CACNA2D3: variants seen among roughly 807,000 people sequenced by gnomAD.
The protein encoded by CACNA2D3 is voltage-dependent calcium channel subunit alpha-2/delta-3.
In CACNA2D3, 60 loss-of-function variants were observed where a neutral mutation model predicts 160.6. The observed-to-expected ratio is 0.37, with a 90% CI of 0.30 to 0.46. CACNA2D3 has a LOEUF of 0.46. CACNA2D3 is among the 20% of genes least tolerant of loss of function. The pLI, the probability that CACNA2D3 is intolerant of heterozygous loss-of-function variation, is 1.00. For synonymous variants in CACNA2D3, 558 were observed against 492.9 expected (o/e 1.13, Z -1.75); for missense variants, 1,205 against 1,365.0 (o/e 0.88, Z 1.85).
chr3:54,533,615 G>A (rs1014662567), intron 5 of CACNA2D3, among the ~76,000 whole-genome samples: 13 of 152,104 alleles, frequency 8.5e-5, no homozygotes, highest in African/African-American at 2.9e-4. Flanking sequence ...GATTACAGGT[G>A]TGAGCCACAG....
At chr3:54,899,062 T>C (rs923649707) in intron 26 of CACNA2D3, among the ~76,000 whole-genome samples, 4 of 152,228 alleles carry the variant, frequency 2.6e-5, no homozygotes, top group African/African-American at 9.6e-5. Flanking sequence ...GCTTCTCAAT[T>C]CAATTGGATT....
chr3:54,990,493 G>A (rs1041357044), intron 31 of CACNA2D3, among the ~76,000 whole-genome samples: 21 of 152,012 alleles, frequency 1.4e-4, no homozygotes, highest in African/African-American at 5.1e-4. Flanking sequence ...GTCATGCTAC[G>A]GCACTTCAGC....
intron 2 of CACNA2D3, among the ~76,000 whole-genome samples, chr3:54,290,607 C>T (rs1334660526): frequency 6.6e-6 from 1 of 150,648 alleles, no homozygotes; most frequent in Non-Finnish European, 1.5e-5. Context: ...GACACATGCA[C>T]ACGTATGTTT....
At chr3:54,741,932 G>A (rs554680441) in intron 11 of CACNA2D3, among the ~76,000 whole-genome samples, 8 of 151,854 alleles carry the variant, frequency 5.3e-5, no homozygotes, top group Non-Finnish European at 1.0e-4. Flanking sequence ...AGGCTGGAGT[G>A]CAGTGGTGGA....
At chr3:55,028,061 T>A (rs1703603131) in intron 35 of CACNA2D3, among the ~76,000 whole-genome samples, 1 of 152,218 alleles carries the variant, frequency 6.6e-6, no homozygotes, top group South Asian at 2.1e-4. Context: ...CTTTTCAGTC[T>A]TCAGAAGTCT....
chr3:55,026,862 A>C (rs1703572954), intron 35 of CACNA2D3, among the ~76,000 whole-genome samples: 1 of 152,230 alleles, frequency 6.6e-6, no homozygotes, highest in African/African-American at 2.4e-5. Context: ...GAAAAGAGTA[A>C]AAATGATCAG....
In CACNA2D3 at chr3:54,736,041, ATATACACATACATATGTATG is replaced by A. The variant is rs1701502145; in HGVS notation, c.1168-16553_1168-16534del. On this transcript the variant is annotated intron_variant, in intron 11 of 37. Coordinates refer to ENST00000474759, the MANE Select transcript of CACNA2D3 (RefSeq NM_018398.3). ...TACACATACATATATATATGTATAT[ATATACACATACATATGTATG>A]TATATATATATACATATATATGTAT... is the stretch of plus-strand genomic sequence containing the variant. Among the ~76,000 whole-genome samples the A allele has an allele frequency of 1.2e-4, 6 of 48,138 alleles. 1 individual carries two copies. The highest frequency in any genetic ancestry group is 2.8e-4 in the Non-Finnish European group (6 of 21,724). The allele number at this position is 48,138 out of a possible 152,430, so 31.6% of individuals were successfully genotyped here.
In CACNA2D3 at chr3:54,249,662, T is replaced by TACACACACACACAC. The variant is rs10656572; in HGVS notation, c.205-70757_205-70744dup. Reference sequence around the variant, plus strand: ...CTTAGAACAAATCTCTCTGTTTACGTACACACACACACACACACACACACA... The same window carrying TACACACACACACAC: ...CTTAGAACAAATCTCTCTGTTTACGTACACACACACACACACACACACACACACACACACACACA... On this transcript the variant is annotated intron_variant, in intron 2 of 37. Transcript: ENST00000474759. Among the ~76,000 whole-genome samples the TACACACACACACAC allele has an allele frequency of 9.0e-4, 120 of 132,842 alleles. 2 individuals are homozygous for TACACACACACACAC. The highest frequency in any genetic ancestry group is 3.1e-4 in the Non-Finnish European group (19 of 61,554). The allele number at this position is 132,842 out of a possible 152,430, so 87.1% of individuals were successfully genotyped here.
At chr3:54,158,495 A>T (rs550240129) in intron 2 of CACNA2D3, among the ~76,000 whole-genome samples, 2 of 152,294 alleles carry the variant, frequency 1.3e-5, no homozygotes, top group East Asian at 3.9e-4. Flanking sequence ...TCTCTCCAGG[A>T]TAAACCGACT....
intron 35 of CACNA2D3, among the ~76,000 whole-genome samples, chr3:55,021,443 T>C (rs1314450783): frequency 6.6e-6 from 1 of 151,384 alleles, no homozygotes; most frequent in Non-Finnish European, 1.5e-5. Context: ...ATGTGTTTTA[T>C]CTTTCTTCTA....
At chr3:54,631,203 A>AACACAAACAC (rs755354175) in intron 10 of CACNA2D3, among the ~76,000 whole-genome samples, 1 of 145,774 alleles carries the variant, frequency 6.9e-6, no homozygotes, top group Non-Finnish European at 1.5e-5. Context: ...GACTCCATCA[A>AACACAAACAC]ACACACACAC....
intron 5 of CACNA2D3, among the ~76,000 whole-genome samples, chr3:54,543,118 G>A (rs1702007380): frequency 6.6e-6 from 1 of 152,040 alleles, no homozygotes; most frequent in Non-Finnish European, 1.5e-5. Flanking sequence ...AATACTCTAG[G>A]TACTAAAAAT....
chr3:54,486,508 G>A (rs1559495358), intron 4 of CACNA2D3, among the ~76,000 whole-genome samples: 2 of 152,162 alleles, frequency 1.3e-5, no homozygotes, highest in African/African-American at 2.4e-5. Context: ...TAATCTAGGC[G>A]TTCCAAGATG....
chr3:54,219,756 G>A (rs925069684), intron 2 of CACNA2D3, among the ~76,000 whole-genome samples: 4 of 152,142 alleles, frequency 2.6e-5, no homozygotes, highest in African/African-American at 4.8e-5. Context: ...GATAGATGGT[G>A]TGTTGGTGCA....
chr3:54,894,042 A>C, intron 25 of CACNA2D3, among the ~76,000 whole-genome samples: 1 of 152,020 alleles, frequency 6.6e-6, no homozygotes. Context: ...CAGCGTTTTT[A>C]TTGTTCCCAT....
At chr3:55,038,559 C>T (rs1162833659) in intron 35 of CACNA2D3, among the ~76,000 whole-genome samples, 1 of 152,048 alleles carries the variant, frequency 6.6e-6, no homozygotes, top group African/African-American at 2.4e-5. Context: ...TTAATATGCA[C>T]TCACAGGTAT....
intron 2 of CACNA2D3, among the ~76,000 whole-genome samples, chr3:54,256,775 A>T (rs796846478): frequency 6.8e-6 from 1 of 146,292 alleles, no homozygotes; most frequent in Non-Finnish European, 1.5e-5. Flanking sequence ...AAAAAAAAAA[A>T]ACCACTGTAA....
intron 4 of CACNA2D3, among the ~76,000 whole-genome samples, chr3:54,497,164 T>A (rs1701215201): frequency 6.6e-6 from 1 of 152,068 alleles, no homozygotes; most frequent in South Asian, 2.1e-4. Flanking sequence ...ATATTTTGAT[T>A]GGGAGTTCAT....
intron 6 of CACNA2D3, 132 bp from the exon 7 acceptor site, chr3:54,569,663 T>G: frequency 1.4e-6 from 1 of 713,198 alleles, no homozygotes. Context: ...GAGCATGTGA[T>G]GAGCTCTGGG....
Sources: allele counts gnomAD v4.1 joint callset (sites outside exome capture counted in the v4.1 genomes callset), GRCh38; gene constraint gnomAD v4.1.1; transcripts MANE v1.5; gene names NCBI Gene and HGNC (gene_info 2026-07-23, HGNC 2026-07-21).